Variants in NDUFAF6 observed in about 807,000 individuals in gnomAD.
The protein encoded by NDUFAF6 is NADH dehydrogenase (ubiquinone) complex I, assembly factor 6.
NDUFAF6 carries 45 observed loss-of-function variants against 40.8 expected under a neutral mutation model. The ratio of observed to expected loss-of-function variants is 1.10; its 90% CI spans 0.87 to 1.42. The LOEUF is 1.42. Among genes scored for constraint, NDUFAF6 ranks in the 40% most tolerant of loss-of-function variants. NDUFAF6 has a pLI of 0.00. For missense variants in NDUFAF6, 435 were observed against 418.5 expected (o/e 1.04, Z -0.34); for synonymous variants, 185 against 155.9 (o/e 1.19, Z -1.39).
intron 1 of NDUFAF6, among the ~76,000 whole-genome samples, chr8:94,962,791 C>CT (rs58474094): frequency 0.011 from 1,537 of 139,660 alleles, 19 homozygotes; most frequent in Middle Eastern, 0.036. Context: ...TCCTTTTTTT[C>CT]TTTTTTTTTT....
rs936270620 is a variant in NDUFAF6 at position 95,032,333 on chromosome 8, G to A, written c.297+239G>A. Among the ~76,000 whole-genome samples, 14 of 152,170 alleles carry A rather than the reference G, an allele frequency of 9.2e-5. No individual in the cohort carries two copies. The East Asian group carries it at 1.5e-3, about 17-fold the overall frequency. ...TGGAATTTTTTATTTCTCTTCCCGA[G>A]GATATTATAAAACTGTGCCATTAAC... On this transcript the variant is annotated intron_variant, in intron 2 of 8. Coordinates refer to ENST00000396124, the MANE Select transcript of NDUFAF6 (RefSeq NM_152416.4).
chr8:95,077,790 C>T (rs1240866745), downstream of NDUFAF6, among the ~76,000 whole-genome samples: 1 of 152,012 alleles, frequency 6.6e-6, no homozygotes, highest in Admixed American at 6.5e-5. Context: ...AGTGCCTGTC[C>T]CTCCAAGGGT....
At chr8:95,012,699 A>G (rs1231887082) in intron 2 of NDUFAF6, among the ~76,000 whole-genome samples, 1 of 151,136 alleles carries the variant, frequency 6.6e-6, no homozygotes, top group Non-Finnish European at 1.5e-5. Flanking sequence ...GTATGGTGGC[A>G]CATGCCTGTG....
intron 1 of NDUFAF6, among the ~76,000 whole-genome samples, chr8:94,905,465 C>T (rs1818336199): frequency 6.6e-6 from 1 of 152,106 alleles, no homozygotes; most frequent in South Asian, 2.1e-4. Flanking sequence ...GAGAGGCCTA[C>T]TGTTTACTGA....
upstream of NDUFAF6, among the ~76,000 whole-genome samples, chr8:95,098,522 C>G (rs547102071): frequency 2.0e-5 from 3 of 152,124 alleles, no homozygotes; most frequent in Non-Finnish European, 2.9e-5. Context: ...AAAAATTAGC[C>G]GGGCATGGTG....
chr8:94,932,798 G>A (rs754274740), intron 1 of NDUFAF6, among the ~76,000 whole-genome samples: 7 of 151,732 alleles, frequency 4.6e-5, no homozygotes, highest in Non-Finnish European at 1.0e-4. Context: ...GCGAGACTCC[G>A]TCTCAAAAAT....
At chr8:94,953,624 G>A (rs1822822004), upstream of NDUFAF6, among the ~76,000 whole-genome samples, 1 of 152,258 alleles carries the variant, frequency 6.6e-6, no homozygotes, top group Non-Finnish European at 1.5e-5. Context: ...CTGCCCAACA[G>A]TCCGCATATG....
At chr8:95,102,678 C>A (rs551405519) in intron 2 of NDUFAF6, among the ~76,000 whole-genome samples, 13 of 152,130 alleles carry the variant, frequency 8.5e-5, no homozygotes, top group Non-Finnish European at 1.9e-4. Flanking sequence ...CCCTGGTAAG[C>A]TGCTGGTACT....
In NDUFAF6 at chr8:95,025,038, G is replaced by C; in HGVS notation, c.30G>C (p.Trp10Cys). The change falls in exon 1 of 9, where the codon TGG becomes TGC. Residue 10 changes from tryptophan (W) to cysteine (C), a missense_variant. Trp to Cys is a radical substitution (Grantham distance 215, BLOSUM62 -2). Coordinates refer to ENST00000396124, the MANE Select transcript of NDUFAF6 (RefSeq NM_152416.4). Reference sequence around the variant, plus strand: ...CGGCCTCCGCGCACGGCTCTGTCTGGGGGCCGTTGCGGCTTGGCATCCCCG... The same window carrying C: ...CGGCCTCCGCGCACGGCTCTGTCTGCGGGCCGTTGCGGCTTGGCATCCCCG... MAASAHGSV[W>C]GPLRLGIPGL... is the part of the protein sequence containing the mutation. The C allele has an allele frequency of 7.1e-7, 1 of 1,415,510 alleles. No homozygotes were observed. Among genetic ancestry groups the C allele is most frequent in the Non-Finnish European group, 9.1e-7 (1 of 1,097,176 alleles). The allele number at this position is 1,415,510 out of a possible 1,614,324, so 87.7% of individuals were successfully genotyped here.
At chr8:95,013,128 G>A (rs964625351) in intron 2 of NDUFAF6, among the ~76,000 whole-genome samples, 3 of 151,200 alleles carry the variant, frequency 2.0e-5, no homozygotes, top group Non-Finnish European at 4.4e-5. Context: ...TAGAGACATG[G>A]TCTTGCTCTC....
chr8:94,979,227 G>A (rs759654664), intron 1 of NDUFAF6, among the ~76,000 whole-genome samples: 5 of 152,016 alleles, frequency 3.3e-5, no homozygotes, highest in African/African-American at 4.8e-5. Flanking sequence ...CTTTTTGATG[G>A]TGTGGGCCAT....
rs563654917 is a variant in NDUFAF6 at position 94,951,938 on chromosome 8, C to A, written c.-798-6057C>A. On this transcript the variant is annotated intron_variant, in intron 2 of 14. Coordinates refer to the NDUFAF6 transcript ENST00000396113. ...AATGCAAGCAAGCTTTTCATCTGTT[C>A]ACTGACAAAGACCCAGCCAGGTTCC... is the stretch of plus-strand genomic sequence containing the variant. Among the ~76,000 whole-genome samples the A allele has an allele frequency of 1.9e-3, 289 of 152,338 alleles. 3 individuals carry two copies. Among genetic ancestry groups the A allele is most frequent in the Non-Finnish European group, 9.3e-4 (63 of 68,030 alleles).
At chr8:95,019,303 C>T (rs992611717) in intron 2 of NDUFAF6, among the ~76,000 whole-genome samples, 1 of 152,244 alleles carries the variant, frequency 6.6e-6, no homozygotes, top group Non-Finnish European at 1.5e-5. Flanking sequence ...AGCCACTGCA[C>T]CCCGCCTCAT....
intron 3 of NDUFAF6, among the ~76,000 whole-genome samples, chr8:95,037,813 A>G (rs1203718101): frequency 6.6e-6 from 1 of 152,194 alleles, no homozygotes; most frequent in East Asian, 1.9e-4. Context: ...TAATGCTGAC[A>G]TGGCAGAAAA....
intron 1 of NDUFAF6, chr8:94,930,642 T>C: frequency 6.2e-7 from 1 of 1,614,242 alleles, no homozygotes; most frequent in South Asian, 1.1e-5. Flanking sequence ...GCGAAAGCTC[T>C]TGGGTTGTTC....
intron 2 of NDUFAF6, among the ~76,000 whole-genome samples, chr8:94,948,919 C>T (rs1361068735): frequency 3.3e-5 from 5 of 151,410 alleles, no homozygotes; most frequent in African/African-American, 1.2e-4. Flanking sequence ...CCTCTGTCAG[C>T]CTCTGTCCGC....
downstream of NDUFAF6, among the ~76,000 whole-genome samples, chr8:95,060,191 CTT>C (rs1427682032): frequency 6.6e-6 from 1 of 152,150 alleles, no homozygotes; most frequent in Non-Finnish European, 1.5e-5. Flanking sequence ...CAAGTGGAGT[CTT>C]TATCAGTGAA....
chr8:94,963,514 A>G (rs1469437812), intron 1 of NDUFAF6, among the ~76,000 whole-genome samples: 1 of 152,268 alleles, frequency 6.6e-6, no homozygotes, highest in Non-Finnish European at 1.5e-5. Flanking sequence ...CAGTTATGTC[A>G]GGAAGCAAAG....
chr8:94,968,747 G>A (rs917713143), intron 1 of NDUFAF6, among the ~76,000 whole-genome samples: 33 of 152,186 alleles, frequency 2.2e-4, no homozygotes, highest in African/African-American at 7.7e-4. Context: ...TACCAAGGGC[G>A]AGAGTAAAAG....
Sources: gnomAD v4.1 joint callset for allele counts (sites outside exome capture counted in the v4.1 genomes callset) on GRCh38, gnomAD v4.1.1 for gene constraint, MANE v1.5 for transcripts, NCBI Gene and HGNC (gene_info 2026-07-23, HGNC 2026-07-21) for gene names.